CDH26: variants seen among roughly 807,000 people sequenced by gnomAD.
CDH26 encodes the protein cadherin 26.
CDH26 carries 83 observed loss-of-function variants against 90.3 expected under a neutral mutation model. The observed-to-expected ratio is 0.92, with a 90% confidence interval of 0.77 to 1.10. CDH26 has a LOEUF of 1.10. CDH26 is among the 50% of genes least tolerant of loss of function. The probability of loss-of-function intolerance (pLI) is 0.00; values close to 1 mark genes in which losing one functional copy is unlikely to be tolerated. For synonymous variants in CDH26, 397 were observed against 396.3 expected (o/e 1.00, Z -0.02); for missense variants, 1,013 against 1,037.6 (o/e 0.98, Z 0.33).
Position 59,992,518 on chromosome 20 carries a change from A to T in CDH26, c.1424A>T (p.Asp475Val). The T allele has an allele frequency of 6.2e-7, 1 of 1,613,694 alleles. No homozygotes were observed. The highest frequency in any genetic ancestry group is 8.5e-7 in the Non-Finnish European group (1 of 1,179,882). The change falls in exon 10 of 18, where the codon GAT becomes GTT. Residue 475 changes from aspartate to valine, a missense_variant and splice_region_variant. By Grantham distance (152) the Asp-to-Val change is radical. Transcript: ENST00000348616. This position sits in a 1 kb window ranked among gnomAD's most constrained non-coding sequence, Gnocchi z 5.0. Reference protein sequence around the residue: ...FYVIIIHAVDDGFPPQTATGT... With the variant: ...FYVIIIHAVDVGFPPQTATGT... ...GTAATCATCATTCACGCTGTTGATG[A>T]TGGTGAGTGTTTACCCAAAATTGGA...
exon 9 of CDH26, chr20:60,033,789 G>GTGTGTGTA (rs1199623518): frequency 2.4e-5 from 28 of 1,170,860 alleles, no homozygotes; most frequent in Non-Finnish European, 3.0e-5. Context: ...GTGTGTGTGT[G>GTGTGTGTA]TGTGTGTGTG....
intron 7 of CDH26, among the ~76,000 whole-genome samples, chr20:60,025,657 T>C (rs1035300508): frequency 6.6e-6 from 1 of 152,202 alleles, no homozygotes; most frequent in African/African-American, 2.4e-5. Context: ...CACATGGGCC[T>C]GTAGAGGGTT....
At chr20:60,002,755 G>T in intron 15 of CDH26, 58 bp from the exon 16 acceptor site, 1 of 1,351,372 alleles carries the variant, frequency 7.4e-7, no homozygotes, top group Non-Finnish European at 1.0e-6. Context: ...TTCTAGTTAT[G>T]TATTTGCATC....
At position 60,013,273 on chromosome 20, in the gene CDH26, T is replaced by A. The variant is rs922453035; in HGVS notation, c.*543T>A. ...TTTGATTAGATAAATAGATAAAATATGTTATCTTGAGAAAAATGATTATGC... is the reference window on the plus strand; with the variant it reads ...TTTGATTAGATAAATAGATAAAATAAGTTATCTTGAGAAAAATGATTATGC... On this transcript the variant is annotated 3_prime_UTR_variant, in exon 18 of 18. Coordinates refer to ENST00000348616, the MANE Select transcript of CDH26 (RefSeq NM_177980.4). 1.3e-5 allele frequency: 2 copies of A among 152,360 alleles called. No homozygotes were observed. The highest frequency in any genetic ancestry group is 3.8e-4 in the East Asian group (2 of 5,204). The allele number at this position is 152,360 out of a possible 1,614,324, so 9.4% of individuals were successfully genotyped here.
chr20:59,974,482 G>C (rs976211940), intron 4 of CDH26, among the ~76,000 whole-genome samples: 1 of 152,158 alleles, frequency 6.6e-6, no homozygotes, highest in Non-Finnish European at 1.5e-5. Flanking sequence ...CCTGAAACTC[G>C]AAGTTGAGTT....
chr20:59,958,598 C>A lies in CDH26; in HGVS notation c.-129C>A. The A allele has an allele frequency of 1.2e-6, 1 of 825,114 alleles. No individual in the cohort carries two copies. Among genetic ancestry groups the A allele is most frequent in the South Asian group, 1.6e-5 (1 of 63,520 alleles). The allele number at this position is 825,114 out of a possible 1,614,324, so 51.1% of individuals were successfully genotyped here. ...CAAGATGGGATGAAAGCATCTGGGCCAAAGTGACCTGAAAACCTTTAGAGA... is the reference window on the plus strand; with the variant it reads ...CAAGATGGGATGAAAGCATCTGGGCAAAAGTGACCTGAAAACCTTTAGAGA... On this transcript the variant is annotated 5_prime_UTR_variant, in exon 1 of 18. Coordinates refer to ENST00000348616, the MANE Select transcript of CDH26 (RefSeq NM_177980.4).
Position 60,011,694 on chromosome 20 carries a change from C to T in CDH26, c.2296-833C>T, listed in dbSNP as rs946993194. Reference sequence around the variant, plus strand: ...CAACAGGTGGTGTGCTGGATTATCCCCTGGCTTGTAGCCGGCTAGCCCCTG... The same window carrying T: ...CAACAGGTGGTGTGCTGGATTATCCTCTGGCTTGTAGCCGGCTAGCCCCTG... On this transcript the variant is annotated intron_variant, in intron 17 of 17. Coordinates refer to ENST00000348616, the MANE Select transcript of CDH26 (RefSeq NM_177980.4). Among the ~76,000 whole-genome samples, 3 of 152,182 alleles carry T rather than the reference C, an allele frequency of 2.0e-5. No homozygotes were observed. The South Asian group carries it at 6.2e-4, about 32-fold the overall frequency.
downstream of CDH26, among the ~76,000 whole-genome samples, chr20:60,015,166 A>G (rs750976479): frequency 6.6e-6 from 1 of 152,148 alleles, no homozygotes; most frequent in Non-Finnish European, 1.5e-5. Context: ...TTGTATTTTT[A>G]GTAGAGATGG....
intron 7 of CDH26, among the ~76,000 whole-genome samples, chr20:60,023,873 G>A (rs1260160612): frequency 1.3e-5 from 2 of 152,222 alleles, no homozygotes; most frequent in East Asian, 3.9e-4. Context: ...TTGGAACCTT[G>A]TGTCAAAAGT....
chr20:59,973,055 T>C (rs1239418387), intron 4 of CDH26, among the ~76,000 whole-genome samples: 3 of 152,202 alleles, frequency 2.0e-5, no homozygotes, highest in Admixed American at 6.5e-5. Flanking sequence ...CAGTGTCTGT[T>C]AAAAAGAAGG....
chr20:60,007,631 T>G (rs1419008447), intron 17 of CDH26, among the ~76,000 whole-genome samples: 1 of 152,194 alleles, frequency 6.6e-6, no homozygotes, highest in Non-Finnish European at 1.5e-5. Flanking sequence ...GTCACTGCCA[T>G]GGCATTTGTA....
intron 7 of CDH26, among the ~76,000 whole-genome samples, chr20:60,021,116 A>C (rs1371127960): frequency 6.6e-6 from 1 of 152,124 alleles, no homozygotes; most frequent in Admixed American, 6.5e-5. Context: ...TGTTGCCATG[A>C]TTCTTTCTTC....
chr20:59,973,794 T>C (rs1190888051), intron 4 of CDH26, among the ~76,000 whole-genome samples: 1 of 152,234 alleles, frequency 6.6e-6, no homozygotes, highest in African/African-American at 2.4e-5. Flanking sequence ...CATTCTACCA[T>C]TGATAGGCAT....
intron 4 of CDH26, among the ~76,000 whole-genome samples, chr20:59,978,880 T>C (rs1231308056): frequency 1.3e-5 from 2 of 152,238 alleles, no homozygotes; most frequent in Non-Finnish European, 2.9e-5. Context: ...TATAATGACC[T>C]GAGAACCCTC....
intron 1 of CDH26, among the ~76,000 whole-genome samples, chr20:59,968,072 TCC>T (rs1372183535): frequency 2.8e-5 from 4 of 143,058 alleles, no homozygotes; most frequent in African/African-American, 8.2e-5. Context: ...TCTCTCTCTC[TCC>T]CTCTCTTTCT....
chr20:60,019,861 A>C (rs2061937858), intron 7 of CDH26, among the ~76,000 whole-genome samples: 1 of 152,160 alleles, frequency 6.6e-6, no homozygotes, highest in African/African-American at 2.4e-5. Flanking sequence ...CATATGGAAA[A>C]ACTTATTCAT....
chr20:60,016,218 A>G (rs998104517), downstream of CDH26, among the ~76,000 whole-genome samples: 2 of 152,156 alleles, frequency 1.3e-5, no homozygotes, highest in Non-Finnish European at 2.9e-5. Flanking sequence ...GCATAGTGTG[A>G]TAATTTTACA....
chr20:59,965,570 T>G (rs1210445071), intron 1 of CDH26, among the ~76,000 whole-genome samples: 1 of 152,256 alleles, frequency 6.6e-6, no homozygotes, highest in African/African-American at 2.4e-5. Flanking sequence ...TGTCCGGCTT[T>G]AAAGAAAACA....
chr20:60,027,681 A>G (rs530728480), intron 7 of CDH26, among the ~76,000 whole-genome samples: 2 of 152,264 alleles, frequency 1.3e-5, no homozygotes, highest in Non-Finnish European at 2.9e-5. Flanking sequence ...GGTATAGACT[A>G]TTGCTGGCCG....
Sources: allele counts gnomAD v4.1 joint callset (sites outside exome capture counted in the v4.1 genomes callset), GRCh38; gene constraint gnomAD v4.1.1; non-coding constraint Gnocchi (gnomAD v3.1); transcripts MANE v1.5; gene names NCBI Gene and HGNC (gene_info 2026-07-23, HGNC 2026-07-21).